Variants in PPP1R10 observed in about 807,000 individuals in gnomAD.
PPP1R10 encodes serine/threonine-protein phosphatase 1 regulatory subunit 10.
Under a neutral mutation model 99.0 loss-of-function variants are expected in PPP1R10, and 15 were observed. That is an observed-to-expected ratio of 0.15 (90% confidence interval 0.10 to 0.23). The LOEUF (loss-of-function observed/expected upper bound fraction) is 0.23. Among genes scored for constraint, PPP1R10 ranks in the 10% least tolerant of loss-of-function variants. The pLI is 1.00. For synonymous variants in PPP1R10, 430 were observed against 449.5 expected (o/e 0.96, Z 0.55); for missense variants, 947 against 1,259.4 (o/e 0.75, Z 3.75).
chr6:30,607,962 CAA>C (rs1292828897), intron 5 of PPP1R10, 71 bp from the exon 6 acceptor site: 6 of 1,343,142 alleles, frequency 4.5e-6, no homozygotes, highest in Non-Finnish European at 6.3e-6. Context: ...CTAAAAACGA[CAA>C]AAGTTACAGT....
chr6:30,605,893 C>T, intron 10 of PPP1R10, 30 bp downstream of exon 10: 1 of 1,404,196 alleles, frequency 7.1e-7, no homozygotes, highest in Non-Finnish European at 9.9e-7. Flanking sequence ...GCTCCTAATT[C>T]AAAGTACATC....
In PPP1R10 at chr6:30,602,662, C is replaced by T; in HGVS notation, c.1987G>A (p.Gly663Ser). The T allele has an allele frequency of 1.2e-6, 2 of 1,603,066 alleles. No homozygotes were observed. Among genetic ancestry groups the T allele is most frequent in the Non-Finnish European group, 1.7e-6 (2 of 1,176,670 alleles). Residue 663 changes from glycine to serine, a missense_variant, in exon 19 of 20, where the codon GGT becomes AGT. By Grantham distance (56) the Gly-to-Ser change is moderately conservative (BLOSUM62 0). This residue lies in a region of PPP1R10 where 525 missense variants were observed against 578.8 expected (regional missense o/e 0.91). Transcript: ENST00000376511. This position sits in a 1 kb window ranked among gnomAD's most constrained non-coding sequence, Gnocchi z 6.7. ...GGTGGAGGACCCAGAAGACGTGGACCCACTGGCCCACCAGGGCCTCCATGG... is the reference window on the plus strand; with the variant it reads ...GGTGGAGGACCCAGAAGACGTGGACTCACTGGCCCACCAGGGCCTCCATGG... ...GPHGGPGGPV[G>S]PRLLGPPPPP...
rs766367026 is a variant in PPP1R10 at position 30,605,987 on chromosome 6, G to A, written c.789C>T (p.Tyr263=). The A allele has an allele frequency of 1.9e-6, 3 of 1,613,832 alleles. No homozygotes were observed. The highest frequency in any genetic ancestry group is 2.2e-5 in the East Asian group (1 of 44,884). Residue 263 remains tyrosine, a synonymous_variant, in exon 10 of 20, where the codon TAC becomes TAT. Transcript: ENST00000376511. ...CATTAGGTGTTGTGTTGAGTGGCTT[G>A]TATTTCTTCTCTGCAGGGGGAGTGG... ...GDATPPAEKK[Y]KPLNTTPNAT...
At position 30,602,030 on chromosome 6, in the gene PPP1R10, T is replaced by C; in HGVS notation, c.2619A>G (p.Arg873=). Residue 873 remains arginine (R), a synonymous_variant, in exon 19 of 20, where the codon CGA becomes CGG. Transcript: ENST00000376511. This position sits in a 1 kb window ranked among gnomAD's most constrained non-coding sequence, Gnocchi z 6.7. ...DVPGHRGHDH[R]GPPPHEHRGH... ...CACGGTGCTCATGAGGTGGCGGCCC[T>C]CGATGGTCATGGCCTCGGTGACCAG... is the stretch of plus-strand genomic sequence containing the variant. 1 of 1,541,166 alleles carries C rather than the reference T, an allele frequency of 6.5e-7. No homozygotes were observed. Among genetic ancestry groups the C allele is most frequent in the Non-Finnish European group, 8.8e-7 (1 of 1,140,832 alleles).
intron 2 of PPP1R10, among the ~76,000 whole-genome samples, chr6:30,612,459 G>C (rs1187804630): frequency 6.6e-6 from 1 of 152,138 alleles, no homozygotes; most frequent in African/African-American, 2.4e-5. Flanking sequence ...GCTGGAAATG[G>C]GATCCAGGGA....
chr6:30,601,442 C>T lies in PPP1R10; in HGVS notation c.*107G>A. The T allele has an allele frequency of 2.1e-6, 2 of 950,866 alleles. No homozygotes were observed. Among genetic ancestry groups the T allele is most frequent in the Non-Finnish European group, 3.2e-6 (2 of 622,716 alleles). 58.9% of individuals were successfully genotyped at this position (950,866 alleles called of 1,614,324 possible). A position where few individuals can be genotyped will look rare whatever the true frequency, so the allele number is the denominator to read the frequency against. On this transcript the variant is annotated 3_prime_UTR_variant, in exon 20 of 20. Coordinates refer to ENST00000376511, the MANE Select transcript of PPP1R10 (RefSeq NM_002714.4). ...GTGGGAACTGAGGGGGCCGGCTCCT[C>T]ATCAGCTGGGGAAAAGGGAAAATGG... is the stretch of plus-strand genomic sequence containing the variant.
chr6:30,616,190 A>AT (rs1760511154), intron 2 of PPP1R10, among the ~76,000 whole-genome samples: 1 of 152,216 alleles, frequency 6.6e-6, no homozygotes, highest in Admixed American at 6.5e-5. Flanking sequence ...CAGTCTGGAA[A>AT]TTGGCTGGAT....
chr6:30,615,200 T>C (rs1307537656), intron 2 of PPP1R10, among the ~76,000 whole-genome samples: 1 of 149,262 alleles, frequency 6.7e-6, no homozygotes, highest in African/African-American at 2.5e-5. Context: ...TGCCGGTAGC[T>C]TCAGTTACAT....
rs1490106287 is a variant in PPP1R10, at chr6:30,601,335, A to C, written c.*214T>G. ...TCTTCAGCAGTCCAGGAACGTTTCC[A>C]GTCTCTCTCCTCCCCAGACTGGAGG... On this transcript the variant is annotated 3_prime_UTR_variant, in exon 20 of 20. Transcript: ENST00000376511. 9 of 573,412 alleles carry C rather than the reference A, an allele frequency of 1.6e-5. No homozygotes were observed. The African/African-American group carries it at 1.7e-4, about 11-fold the overall frequency. The allele number at this position is 573,412 out of a possible 1,614,324, so 35.5% of individuals were successfully genotyped here. A position where few individuals can be genotyped will look rare whatever the true frequency, so the allele number is the denominator to read the frequency against.
At chr6:30,603,709 C>T (rs1803619978) in intron 15 of PPP1R10, 43 bp from the exon 16 acceptor site, 3 of 1,555,708 alleles carry the variant, frequency 1.9e-6, no homozygotes, top group Admixed American at 4.1e-5. Context: ...AGAACAGAGA[C>T]ATTCTCATAT....
At position 30,611,444 on chromosome 6, in the gene PPP1R10, G is replaced by A. The variant is rs368925489; in HGVS notation, c.-11-1489C>T. Reference sequence around the variant, plus strand: ...TCCTCATCCTACATCTAGCACAGAAGTAACAGACACAATCCCAGCAGAAGG... The same window carrying A: ...TCCTCATCCTACATCTAGCACAGAAATAACAGACACAATCCCAGCAGAAGG... On this transcript the variant is annotated intron_variant, in intron 2 of 19. Transcript: ENST00000376511. Among the ~76,000 whole-genome samples the A allele has an allele frequency of 3.1e-4, 47 of 152,336 alleles. 1 individual carries two copies. In the South Asian group the frequency reaches 6.4e-3, roughly 21 times the overall value.
intron 2 of PPP1R10, among the ~76,000 whole-genome samples, chr6:30,615,107 A>G (rs1760321621): frequency 6.6e-6 from 1 of 152,132 alleles, no homozygotes; most frequent in South Asian, 2.1e-4. Context: ...CAGGATGGCA[A>G]AAGGGGGAGA....
At position 30,604,948 on chromosome 6, in the gene PPP1R10, T is replaced by C; in HGVS notation, c.954+46A>G. ...AGCTGCTGTGCCCTTTCTTCTACTT[T>C]ACCTTTTATACTCTGTCACTGAAAC... On this transcript the variant is annotated intron_variant, in intron 11 of 19. Coordinates refer to ENST00000376511, the MANE Select transcript of PPP1R10 (RefSeq NM_002714.4). This position sits in a 1 kb window ranked among gnomAD's most constrained non-coding sequence, Gnocchi z 7.3. The C allele has an allele frequency of 1.3e-6, 2 of 1,590,414 alleles. No homozygotes were observed. Among genetic ancestry groups the C allele is most frequent in the Non-Finnish European group, 1.7e-6 (2 of 1,159,594 alleles).
chr6:30,604,932 G>A lies in PPP1R10; in HGVS notation c.954+62C>T. ...CTCCCCGACAACTCCTAGCTGCTGT[G>A]CCCTTTCTTCTACTTTACCTTTTAT... On this transcript the variant is annotated intron_variant, in intron 11 of 19. Coordinates refer to ENST00000376511, the MANE Select transcript of PPP1R10 (RefSeq NM_002714.4). The surrounding 1 kb of genome is among the most constrained non-coding windows in gnomAD (Gnocchi z 7.3). 1.3e-6 allele frequency: 2 copies of A among 1,563,262 alleles called. No homozygotes were observed. Among genetic ancestry groups the A allele is most frequent in the Non-Finnish European group, 1.8e-6 (2 of 1,135,426 alleles).
Position 30,609,386 on chromosome 6 carries a change from G to A in PPP1R10, c.108-223C>T, listed in dbSNP as rs1561844566. Among the ~76,000 whole-genome samples, 1 of 152,108 alleles carries A rather than the reference G, an allele frequency of 6.6e-6. No individual in the cohort carries two copies. The highest frequency in any genetic ancestry group is 1.5e-5 in the Non-Finnish European group (1 of 68,010). On this transcript the variant is annotated intron_variant, in intron 3 of 19. Coordinates refer to ENST00000376511, the MANE Select transcript of PPP1R10 (RefSeq NM_002714.4). This position sits in a 1 kb window ranked among gnomAD's most constrained non-coding sequence, Gnocchi z 4.5. ...TCTCTGACCTGGGGAGGAGAGCATC[G>A]CTGCCTCCGTAACACACAGGATGAA...
chr6:30,614,817 G>C (rs551456953), intron 2 of PPP1R10, among the ~76,000 whole-genome samples: 1 of 152,146 alleles, frequency 6.6e-6, no homozygotes, highest in African/African-American at 2.4e-5. Context: ...GATGAGTGAA[G>C]GAAAGTGAAA....
At position 30,606,342 on chromosome 6, in the gene PPP1R10, C is replaced by CA; in HGVS notation, c.635-100dup. On this transcript the variant is annotated intron_variant, in intron 8 of 19. Transcript: ENST00000376511. This position sits in a 1 kb window ranked among gnomAD's most constrained non-coding sequence, Gnocchi z 6.3. ...GCAAATGTTCTTCTAGCCTTGTAAC[C>CA]AAAGCTTCCTCTGCTAGTCTTCCCT... is the stretch of plus-strand genomic sequence containing the variant. 1.3e-6 allele frequency: 2 copies of CA among 1,567,960 alleles called. No individual in the cohort carries two copies. Among genetic ancestry groups the CA allele is most frequent in the Non-Finnish European group, 1.7e-6 (2 of 1,148,146 alleles).
rs755901651 is a variant in PPP1R10 at position 30,601,924 on chromosome 6, G to A, written c.2713+12C>T. ...AACCAAAAGGCATATGGGGGACAGGGAGCATCCTCACCTCCTCCATGGCTG... is the reference window on the plus strand; with the variant it reads ...AACCAAAAGGCATATGGGGGACAGGAAGCATCCTCACCTCCTCCATGGCTG... On this transcript the variant is annotated intron_variant, in intron 19 of 19. Coordinates refer to ENST00000376511, the MANE Select transcript of PPP1R10 (RefSeq NM_002714.4). The A allele has an allele frequency of 6.7e-7, 1 of 1,498,924 alleles. No homozygotes were observed. Among genetic ancestry groups the A allele is most frequent in the African/African-American group, 1.4e-5 (1 of 71,282 alleles). 92.9% of individuals were successfully genotyped at this position (1,498,924 alleles called of 1,614,324 possible).
At position 30,603,236 on chromosome 6, in the gene PPP1R10, T is replaced by G. The variant is rs752600408; in HGVS notation, c.1817A>C (p.Tyr606Ser). Residue 606 changes from tyrosine (Y) to serine (S), a missense_variant, in exon 17 of 20, where the codon TAT becomes TCT. This residue lies in a region of PPP1R10 where 525 missense variants were observed against 578.8 expected (regional missense o/e 0.91). Transcript: ENST00000376511. ...CAGCATCTGCTTGATCTTGTCCGAATAGTCTGGTTGTTTCAGTAGTTCCTC... is the reference window on the plus strand; with the variant it reads ...CAGCATCTGCTTGATCTTGTCCGAAGAGTCTGGTTGTTTCAGTAGTTCCTC... Reference protein sequence around the residue: ...PSEELLKQPDYSDKIKQMLVP... With the variant: ...PSEELLKQPDSSDKIKQMLVP... 4.2e-5 allele frequency: 67 copies of G among 1,613,670 alleles called. No homozygotes were observed. Among genetic ancestry groups the G allele is most frequent in the Non-Finnish European group, 5.5e-5 (65 of 1,179,708 alleles).
Sources: allele counts gnomAD v4.1 joint callset (sites outside exome capture counted in the v4.1 genomes callset), GRCh38; gene constraint gnomAD v4.1.1; regional missense constraint gnomAD v4.1.1; non-coding constraint Gnocchi (gnomAD v3.1); transcripts MANE v1.5; gene names NCBI Gene and HGNC (gene_info 2026-07-23, HGNC 2026-07-21).